The following COL24A1 variants were observed in gnomAD, a reference collection of about 807,000 sequenced individuals.
COL24A1 encodes the protein collagen alpha-1(XXIV) chain.
A neutral mutation model predicts 253.9 loss-of-function variants in COL24A1; 224 were observed. The observed-to-expected ratio is 0.88, with a 90% CI of 0.79 to 0.99. The LOEUF is 0.99. Among genes scored for constraint, COL24A1 ranks in the 50% least tolerant of loss-of-function variants. The probability of loss-of-function intolerance (pLI) is 0.00; values close to 1 mark genes in which losing one functional copy is unlikely to be tolerated. For missense variants in COL24A1, 2,131 were observed against 2,068.5 expected (o/e 1.03, Z -0.59); for synonymous variants, 685 against 673.7 (o/e 1.02, Z -0.26).
Position 86,068,284 on chromosome 1 carries a change from G to A in COL24A1, c.1708-4525C>T, listed in dbSNP as rs1701635892. On this transcript the variant is annotated intron_variant, in intron 7 of 59. Coordinates refer to ENST00000370571, the MANE Select transcript of COL24A1 (RefSeq NM_152890.7). ...GACAAGAGATACAGTCTTAAATAGT[G>A]AATGCCACCCCTCCCCCATCTCCCC... is the stretch of plus-strand genomic sequence containing the variant. 2.0e-5 allele frequency among the ~76,000 whole-genome samples: 3 copies of A among 152,312 alleles called. No homozygotes were observed. The East Asian group carries it at 5.8e-4, about 29-fold the overall frequency.
At chr1:85,884,866 C>A (rs989120511) in intron 32 of COL24A1, among the ~76,000 whole-genome samples, 1 of 152,128 alleles carries the variant, frequency 6.6e-6, no homozygotes, top group African/African-American at 2.4e-5. Flanking sequence ...AAAGTAAGAA[C>A]CTGTTAGGGC....
At chr1:85,846,434 C>T (rs1402535391) in intron 39 of COL24A1, among the ~76,000 whole-genome samples, 2 of 151,482 alleles carry the variant, frequency 1.3e-5, no homozygotes, top group Admixed American at 6.6e-5. Flanking sequence ...AAAAGATATA[C>T]AAAATTAAAA....
chr1:85,990,482 G>A (rs1340522555), intron 19 of COL24A1, among the ~76,000 whole-genome samples: 1 of 152,180 alleles, frequency 6.6e-6, no homozygotes, highest in African/African-American at 2.4e-5. Flanking sequence ...AGACTCTAAT[G>A]CTGCCGCTGA....
At chr1:86,110,829 A>C (rs116453028) in intron 5 of COL24A1, among the ~76,000 whole-genome samples, 21,858 of 146,832 alleles carry the variant, frequency 0.15, 1,729 homozygotes, top group South Asian at 0.25. Context: ...CCCGCCCCCC[A>C]CACCCCATGG....
intron 24 of COL24A1, among the ~76,000 whole-genome samples, chr1:85,925,367 C>T (rs1292487385): frequency 6.6e-6 from 1 of 152,160 alleles, no homozygotes; most frequent in Admixed American, 6.5e-5. Flanking sequence ...ATTGCCAAGT[C>T]AATCCTAAGC....
intron 24 of COL24A1, among the ~76,000 whole-genome samples, chr1:85,947,579 C>A (rs74097620): frequency 0.017 from 2,590 of 152,188 alleles, 80 homozygotes; most frequent in African/African-American, 0.06. Flanking sequence ...ATAACTGATA[C>A]TTTAACAATA....
In COL24A1 at chr1:85,908,667, A is replaced by G. The variant is rs565962713; in HGVS notation, c.2671-16T>C. ...CTGGATATCCCTATAATTTAAGGAA[A>G]ATATAAAAGAAGTAAAATATTCATG... is the stretch of plus-strand genomic sequence containing the variant. On this transcript the variant is annotated splice_polypyrimidine_tract_variant and intron_variant, in intron 26 of 59. Coordinates refer to ENST00000370571, the MANE Select transcript of COL24A1 (RefSeq NM_152890.7). The G allele has an allele frequency of 1.3e-5, 16 of 1,258,710 alleles. No homozygotes were observed. The African/African-American group carries it at 2.3e-4, about 18-fold the overall frequency. 78.0% of individuals were successfully genotyped at this position (1,258,710 alleles called of 1,614,324 possible). A position where few individuals can be genotyped will look rare whatever the true frequency, so the allele number is the denominator to read the frequency against.
At chr1:85,968,018 C>T (rs940437751) in intron 22 of COL24A1, among the ~76,000 whole-genome samples, 1 of 152,130 alleles carries the variant, frequency 6.6e-6, no homozygotes, top group South Asian at 2.1e-4. Context: ...CAGGCAGAAA[C>T]ATGTGAAAAG....
chr1:85,853,452 T>G (rs1216791514), intron 37 of COL24A1, among the ~76,000 whole-genome samples: 1 of 152,244 alleles, frequency 6.6e-6, no homozygotes. Context: ...TGCATCTTTA[T>G]GGTAGAACAG....
At chr1:85,926,837 TAA>T (rs1687305852) in intron 24 of COL24A1, among the ~76,000 whole-genome samples, 1 of 151,152 alleles carries the variant, frequency 6.6e-6, no homozygotes, top group South Asian at 2.1e-4. Context: ...ATAATAATAA[TAA>T]AAAGAGTCAA....
At chr1:85,769,527 C>T (rs576228815) in intron 53 of COL24A1, among the ~76,000 whole-genome samples, 5 of 151,868 alleles carry the variant, frequency 3.3e-5, no homozygotes, top group African/African-American at 7.3e-5. Flanking sequence ...ATGCCTGCCC[C>T]GAGAAATGTT....
intron 47 of COL24A1, among the ~76,000 whole-genome samples, chr1:85,796,387 C>T (rs141740866): frequency 3.3e-5 from 5 of 152,218 alleles, no homozygotes; most frequent in African/African-American, 1.2e-4. Flanking sequence ...ATCTCCTTTA[C>T]CCAGGTCTTG....
intron 53 of COL24A1, among the ~76,000 whole-genome samples, chr1:85,767,235 T>C (rs1468824415): frequency 6.6e-6 from 1 of 152,116 alleles, no homozygotes; most frequent in African/African-American, 2.4e-5. Context: ...GCTAATAAAA[T>C]CCATTCCAAA....
chr1:86,037,584 C>T (rs1699137709), intron 12 of COL24A1, among the ~76,000 whole-genome samples: 1 of 152,150 alleles, frequency 6.6e-6, no homozygotes, highest in South Asian at 2.1e-4. Flanking sequence ...CTGAATGAGT[C>T]TGGAAATGAA....
At chr1:85,975,424 T>C (rs1028601586) in intron 20 of COL24A1, among the ~76,000 whole-genome samples, 1 of 152,188 alleles carries the variant, frequency 6.6e-6, no homozygotes, top group Non-Finnish European at 1.5e-5. Context: ...AATGGAATAT[T>C]ATTCCACCAT....
intron 53 of COL24A1, among the ~76,000 whole-genome samples, chr1:85,763,937 C>T (rs921904020): frequency 6.6e-6 from 1 of 152,214 alleles, no homozygotes; most frequent in African/African-American, 2.4e-5. Context: ...CCAAAAGTAA[C>T]ATATTTTATC....
At chr1:86,133,967 C>T (rs1369633134) in intron 2 of COL24A1, among the ~76,000 whole-genome samples, 1 of 97,780 alleles carries the variant, frequency 1.0e-5, no homozygotes, top group Non-Finnish European at 2.2e-5. Context: ...GGCTGTGAAT[C>T]CATCTGGTCC....
chr1:86,041,812 G>C lies in COL24A1; in HGVS notation c.1950+5013C>G, dbSNP rs916598351. 3.0e-4 allele frequency among the ~76,000 whole-genome samples: 45 copies of C among 152,074 alleles called. 1 individual carries two copies. Among genetic ancestry groups the C allele is most frequent in the Admixed American group, 2.3e-3 (35 of 15,256 alleles). On this transcript the variant is annotated intron_variant, in intron 12 of 59. Coordinates refer to ENST00000370571, the MANE Select transcript of COL24A1 (RefSeq NM_152890.7). ...AGTAGTAGTTCTATGGTGTTTAAAG[G>C]CTCCTGACCAATAAAGGTTGTCCAC...
At chr1:85,872,870 G>GA in intron 35 of COL24A1, among the ~76,000 whole-genome samples, 2 of 152,262 alleles carry the variant, frequency 1.3e-5, no homozygotes, top group South Asian at 4.1e-4. Context: ...CTTCTGCACA[G>GA]AAAAAGAAAC....
Sources: gnomAD v4.1 joint callset for allele counts (sites outside exome capture counted in the v4.1 genomes callset) on GRCh38, gnomAD v4.1.1 for gene constraint, MANE v1.5 for transcripts, NCBI Gene and HGNC (gene_info 2026-07-23, HGNC 2026-07-21) for gene names.